The following SNX6 variants were observed in gnomAD, a reference collection of about 807,000 sequenced individuals.
SNX6 encodes the protein sorting nexin-6.
A neutral mutation model predicts 63.0 loss-of-function variants in SNX6; 34 were observed. The observed-to-expected ratio is 0.54, with a 90% CI of 0.41 to 0.72. The LOEUF (loss-of-function observed/expected upper bound fraction) is 0.72, where lower values mean the gene tolerates loss of function less well. Ranked by LOEUF, SNX6 falls within the 30% of genes least tolerant of loss-of-function variation. The pLI, the probability that SNX6 is intolerant of heterozygous loss-of-function variation, is 0.00. For missense variants in SNX6, 398 were observed against 471.4 expected, an observed-to-expected ratio of 0.84 and a Z score of 1.44; for synonymous variants, 170 against 164.2, an observed-to-expected ratio of 1.04 and a Z score of -0.27.
chr14:34,609,513 T>C, intron 3 of SNX6, 125 bp downstream of exon 3: 1 of 462,120 alleles, frequency 2.2e-6, no homozygotes, highest in Non-Finnish European at 3.9e-6. Context: ...AAGTACATTT[T>C]CCTACATCTA....
chr14:34,586,957 C>T (rs148622496), intron 8 of SNX6, among the ~76,000 whole-genome samples: 10,318 of 140,296 alleles, frequency 0.074, 802 homozygotes, highest in African/African-American at 0.21. Context: ...TGCAGTGAGC[C>T]GAGATCACAC....
chr14:34,597,877 C>T (rs1218295106), intron 6 of SNX6, among the ~76,000 whole-genome samples: 1 of 152,130 alleles, frequency 6.6e-6, no homozygotes, highest in African/African-American at 2.4e-5. Context: ...AGCTGGTCTA[C>T]AAGAAGGCCT....
chr14:34,597,138 T>C (rs944531558), intron 7 of SNX6, among the ~76,000 whole-genome samples: 1 of 152,224 alleles, frequency 6.6e-6, no homozygotes, highest in African/African-American at 2.4e-5. Context: ...ACATTCCACA[T>C]TGCACACTGT....
chr14:34,595,711 C>T (rs1029576953), intron 7 of SNX6, among the ~76,000 whole-genome samples: 1 of 152,132 alleles, frequency 6.6e-6, no homozygotes, highest in East Asian at 1.9e-4. Flanking sequence ...TATCCACTGA[C>T]CTGTCTCTGA....
chr14:34,565,016 A>C (rs1329398027), intron 13 of SNX6, among the ~76,000 whole-genome samples: 1 of 151,404 alleles, frequency 6.6e-6, no homozygotes, highest in East Asian at 1.9e-4. Context: ...TTCCAATAAA[A>C]TTTTACTTAC....
intron 11 of SNX6, among the ~76,000 whole-genome samples, chr14:34,572,357 G>C (rs1594696507): frequency 6.6e-6 from 1 of 152,074 alleles, no homozygotes; most frequent in Admixed American, 6.6e-5. Context: ...CCAGGAGTTT[G>C]CAACATAGTG....
chr14:34,617,183 A>G (rs1191966798), intron 2 of SNX6, among the ~76,000 whole-genome samples: 1 of 152,122 alleles, frequency 6.6e-6, no homozygotes, highest in East Asian at 1.9e-4. Flanking sequence ...GGAACAATAC[A>G]CATTGATTGG....
chr14:34,621,907 T>A (rs933607685), intron 2 of SNX6, among the ~76,000 whole-genome samples: 2 of 151,100 alleles, frequency 1.3e-5, no homozygotes, highest in African/African-American at 4.9e-5. Context: ...CTATCCTCAA[T>A]ATTAGAATAA....
intron 2 of SNX6, among the ~76,000 whole-genome samples, chr14:34,626,522 G>C (rs1331569343): frequency 6.6e-6 from 1 of 151,626 alleles, no homozygotes; most frequent in Non-Finnish European, 1.5e-5. Context: ...AAATTAGCCG[G>C]GCACGGTCGC....
At chr14:34,629,731 C>T (rs774599974) in intron 2 of SNX6, 176 bp downstream of exon 2, 3 of 1,061,314 alleles carry the variant, frequency 2.8e-6, no homozygotes, top group Non-Finnish European at 4.1e-6. Flanking sequence ...AGCCGAGCGG[C>T]CCCTAGGGAG....
At chr14:34,627,436 A>G (rs552433792) in intron 2 of SNX6, among the ~76,000 whole-genome samples, 2 of 152,180 alleles carry the variant, frequency 1.3e-5, no homozygotes, top group African/African-American at 4.8e-5. Context: ...CCTGGGCGAA[A>G]GAGCGAGACT....
intron 2 of SNX6, among the ~76,000 whole-genome samples, chr14:34,611,898 C>T (rs1883245385): frequency 6.6e-6 from 1 of 152,058 alleles, no homozygotes; most frequent in African/African-American, 2.4e-5. Flanking sequence ...CCTGCCTCAG[C>T]CTCCCAAGTA....
intron 4 of SNX6, among the ~76,000 whole-genome samples, chr14:34,606,256 G>A (rs1308138326): frequency 6.6e-6 from 1 of 150,650 alleles, no homozygotes; most frequent in Non-Finnish European, 1.5e-5. Context: ...GAGTAGCTGG[G>A]ATTATAAGCG....
intron 4 of SNX6, among the ~76,000 whole-genome samples, chr14:34,606,196 C>T (rs8014542): frequency 3.5e-4 from 20 of 57,600 alleles, no homozygotes; most frequent in African/African-American, 8.5e-4. Context: ...GTTATCTAAT[C>T]TTTTTTTTTT....
intron 11 of SNX6, among the ~76,000 whole-genome samples, chr14:34,571,802 G>A (rs1197497081): frequency 6.6e-6 from 1 of 152,088 alleles, no homozygotes; most frequent in African/African-American, 2.4e-5. Context: ...TCAATTTTCA[G>A]CTGTTACAAA....
In SNX6 at chr14:34,609,732, A is replaced by G. The variant is rs1189113687; in HGVS notation, c.65T>C (p.Ile22Thr). ...LSEEDRGLKAINVDLQSDAAL... is the reference protein window; with the variant it reads ...LSEEDRGLKATNVDLQSDAAL... ...AGCATCACTTTGAAGATCTACATTT[A>G]TTGCTTTAAGCTAGAAAAAGAAAAC... The change falls in exon 3 of 14, where the codon ATA becomes ACA. Residue 22 changes from isoleucine to threonine, a missense_variant. By Grantham distance (89) the Ile-to-Thr change is moderately conservative (BLOSUM62 -1). Coordinates refer to ENST00000362031, the MANE Select transcript of SNX6 (RefSeq NM_152233.4). 1 of 1,607,470 alleles carries G rather than the reference A, an allele frequency of 6.2e-7. No individual in the cohort carries two copies. Among genetic ancestry groups the G allele is most frequent in the Admixed American group, 1.7e-5 (1 of 59,336 alleles).
Position 34,597,604 on chromosome 14 carries a change from G to T in SNX6, c.558C>A (p.Asp186Glu). The T allele has an allele frequency of 6.2e-7, 1 of 1,608,122 alleles. No homozygotes were observed. Among genetic ancestry groups the T allele is most frequent in the Non-Finnish European group, 8.5e-7 (1 of 1,176,486 alleles). The change falls in exon 7 of 14, where the codon GAC (aspartate) becomes GAA (glutamate). Residue 186 changes from aspartate to glutamate, a missense_variant. Physicochemically the swap from Asp to Glu is conservative, Grantham distance 45. Coordinates refer to ENST00000362031, the MANE Select transcript of SNX6 (RefSeq NM_152233.4). The part of the protein sequence containing the change: ...RGKNKKEKLE[D>E]FFKNMVKSAD... Reference sequence around the variant, plus strand: ...CTGATTTAACCATGTTTTTAAAGAAGTCTTCAAGTTTCTCTTTTTTATTTT... The same window carrying T: ...CTGATTTAACCATGTTTTTAAAGAATTCTTCAAGTTTCTCTTTTTTATTTT...
intron 2 of SNX6, among the ~76,000 whole-genome samples, chr14:34,626,991 C>A (rs184003100): frequency 2.0e-5 from 3 of 152,034 alleles, no homozygotes; most frequent in Admixed American, 2.0e-4. Flanking sequence ...TGCTAGTTTC[C>A]GCTATTTTAA....
At chr14:34,611,387 G>A (rs375527057) in intron 2 of SNX6, among the ~76,000 whole-genome samples, 1 of 150,430 alleles carries the variant, frequency 6.6e-6, no homozygotes, top group East Asian at 2.0e-4. Flanking sequence ...GAGGTGTGGG[G>A]AATGGCTTGA....
Sources: gnomAD v4.1 joint callset for allele counts (sites outside exome capture counted in the v4.1 genomes callset) on GRCh38, gnomAD v4.1.1 for gene constraint, MANE v1.5 for transcripts, NCBI Gene and HGNC (gene_info 2026-07-23, HGNC 2026-07-21) for gene names.